PTPRZ1: variants seen among roughly 807,000 people sequenced by gnomAD.
PTPRZ1 encodes receptor-type tyrosine-protein phosphatase zeta.
In PTPRZ1, 82 loss-of-function variants were observed where a neutral mutation model predicts 214.1. That is an observed-to-expected ratio of 0.38 (90% CI 0.32 to 0.46). The LOEUF is 0.46. Ranked by LOEUF, PTPRZ1 falls within the 20% of genes least tolerant of loss-of-function variation. PTPRZ1 has a pLI of 1.00. For synonymous variants in PTPRZ1, 945 were observed against 987.9 expected, an observed-to-expected ratio of 0.96 and a Z score of 0.81; for missense variants, 2,603 against 2,748.7, an observed-to-expected ratio of 0.95 and a Z score of 1.19.
chr7:121,881,759 A>C (rs1794246105), intron 1 of PTPRZ1, among the ~76,000 whole-genome samples: 1 of 152,264 alleles, frequency 6.6e-6, no homozygotes, highest in South Asian at 2.1e-4. Flanking sequence ...GCAGTCTTGG[A>C]GTGGGTCCAA....
chr7:122,049,006 C>A (rs1407312360), intron 23 of PTPRZ1, among the ~76,000 whole-genome samples: 4 of 151,964 alleles, frequency 2.6e-5, no homozygotes, highest in Admixed American at 2.6e-4. Flanking sequence ...ATATCATGAG[C>A]AAGTAGAGTT....
chr7:122,049,094 AC>A (rs1792092984), intron 23 of PTPRZ1, among the ~76,000 whole-genome samples: 1 of 152,132 alleles, frequency 6.6e-6, no homozygotes, highest in Admixed American at 6.5e-5. Flanking sequence ...AAACATTATG[AC>A]CCTGTCAATT....
chr7:121,938,557 G>A (rs940771865), intron 2 of PTPRZ1, among the ~76,000 whole-genome samples: 5 of 152,200 alleles, frequency 3.3e-5, no homozygotes, highest in Non-Finnish European at 5.9e-5. Flanking sequence ...TGGGAGAGTG[G>A]AGCACCATCT....
rs1348827352 is a variant in PTPRZ1 at position 122,051,450 on chromosome 7, A to G, written c.6107A>G (p.Gln2036Arg). 1 of 1,613,418 alleles carries G rather than the reference A, an allele frequency of 6.2e-7. No homozygotes were observed. The highest frequency in any genetic ancestry group is 8.5e-7 in the Non-Finnish European group (1 of 1,179,648). ...CAGCTCCTGAGCCAGTCAAATATAC[A>G]GCAGAGTGACTATTCTGCAGCCCTA... ...QFQLLSQSNI[Q>R]QSDYSAALKQ... The change falls in exon 24 of 30, where the codon CAG (glutamine) becomes CGG (arginine). Residue 2036 changes from glutamine to arginine, a missense_variant. Gln to Arg is a conservative substitution (Grantham distance 43). Around this residue, in one of 6 missense-constraint regions of PTPRZ1, gnomAD observed 134 missense variants for 183.3 expected, o/e 0.73. Coordinates refer to ENST00000393386, the MANE Select transcript of PTPRZ1 (RefSeq NM_002851.3).
chr7:122,009,900 T>C (rs1178594328), intron 11 of PTPRZ1, among the ~76,000 whole-genome samples: 1 of 152,188 alleles, frequency 6.6e-6, no homozygotes, highest in Non-Finnish European at 1.5e-5. Flanking sequence ...TTCTGAATGT[T>C]CAACTACTTT....
intron 1 of PTPRZ1, among the ~76,000 whole-genome samples, chr7:121,880,348 A>C (rs1183115685): frequency 6.6e-6 from 1 of 152,194 alleles, no homozygotes; most frequent in Admixed American, 6.5e-5. Flanking sequence ...TTAGTAAGAA[A>C]GAAGGATTTT....
At chr7:121,934,998 G>A (rs1335129875) in intron 2 of PTPRZ1, among the ~76,000 whole-genome samples, 1 of 152,144 alleles carries the variant, frequency 6.6e-6, no homozygotes, top group Non-Finnish European at 1.5e-5. Context: ...ATAAGGATGT[G>A]AGGTAACGTA....
intron 1 of PTPRZ1, among the ~76,000 whole-genome samples, chr7:121,904,452 A>G (rs887207692): frequency 6.6e-6 from 1 of 152,180 alleles, no homozygotes; most frequent in African/African-American, 2.4e-5. Context: ...CCCCAAAGAT[A>G]TTCACCTTGT....
intron 2 of PTPRZ1, among the ~76,000 whole-genome samples, chr7:121,946,514 A>T (rs1796379565): frequency 6.6e-6 from 1 of 152,214 alleles, no homozygotes; most frequent in South Asian, 2.1e-4. Flanking sequence ...AGAAGGTCCC[A>T]TAGAGCTCCA....
chr7:122,034,320 A>G lies in PTPRZ1; in HGVS notation c.5226A>G (p.Ala1742=), dbSNP rs958645524. The G allele has an allele frequency of 1.2e-6, 2 of 1,613,568 alleles. No homozygotes were observed. The highest frequency in any genetic ancestry group is 1.3e-5 in the African/African-American group (1 of 75,028). The change falls in exon 17 of 30, where the codon GCA becomes GCG. Residue 1742 remains alanine (A), a synonymous_variant. Coordinates refer to ENST00000393386, the MANE Select transcript of PTPRZ1 (RefSeq NM_002851.3). The part of the protein sequence containing the change: ...QSCTVDLGIT[A]DSSNHPDNKH... Reference sequence around the variant, plus strand: ...GTACTGTTGACTTAGGTATTACAGCAGACAGCTCCAACCACCCAGACAACA... The same window carrying G: ...GTACTGTTGACTTAGGTATTACAGCGGACAGCTCCAACCACCCAGACAACA...
Position 121,885,520 on chromosome 7 carries a change from A to G in PTPRZ1, c.58+11963A>G, listed in dbSNP as rs1794370877. Among the ~76,000 whole-genome samples, 3 of 152,160 alleles carry G rather than the reference A, an allele frequency of 2.0e-5. No homozygotes were observed. In the South Asian group the frequency reaches 6.2e-4, roughly 32 times the overall value. ...AGCACATCTGGGCACCGTCCATCCC[A>G]CAAGAATGTATCCAATGATGCCTCT... is the stretch of plus-strand genomic sequence containing the variant. On this transcript the variant is annotated intron_variant, in intron 1 of 29. Coordinates refer to ENST00000393386, the MANE Select transcript of PTPRZ1 (RefSeq NM_002851.3).
intron 28 of PTPRZ1, chr7:122,059,274 C>G (rs1203687103): frequency 5.6e-6 from 1 of 178,254 alleles, no homozygotes; most frequent in East Asian, 1.4e-4. Context: ...GATTTCCTGG[C>G]ATAGAAGTGA....
intron 2 of PTPRZ1, among the ~76,000 whole-genome samples, chr7:121,947,668 G>T (rs1175131739): frequency 3.3e-5 from 5 of 152,102 alleles, no homozygotes; most frequent in Non-Finnish European, 2.9e-5. Flanking sequence ...GTCTGCCAGC[G>T]GTTCTAACTA....
chr7:122,053,526 C>T (rs1024929420), intron 25 of PTPRZ1, among the ~76,000 whole-genome samples: 2 of 152,072 alleles, frequency 1.3e-5, no homozygotes, highest in African/African-American at 2.4e-5. Context: ...AAAGGAATGC[C>T]AAGGCAACAT....
chr7:122,014,498 G>A (rs1211673354), intron 12 of PTPRZ1, among the ~76,000 whole-genome samples: 1 of 152,038 alleles, frequency 6.6e-6, no homozygotes, highest in Non-Finnish European at 1.5e-5. Flanking sequence ...GAGTGCAGTG[G>A]TGCAATCTCG....
At chr7:121,899,557 A>C (rs899027172) in intron 1 of PTPRZ1, among the ~76,000 whole-genome samples, 1 of 152,200 alleles carries the variant, frequency 6.6e-6, no homozygotes, top group Non-Finnish European at 1.5e-5. Context: ...AGTTTCTTTC[A>C]GGCTATCTCT....
intron 1 of PTPRZ1, among the ~76,000 whole-genome samples, chr7:121,909,146 A>C (rs1275867911): frequency 2.0e-5 from 3 of 152,350 alleles, no homozygotes; most frequent in Non-Finnish European, 2.9e-5. Context: ...AGTTATTTTT[A>C]GCCTAGAATT....
Position 121,896,159 on chromosome 7 carries a change from A to T in PTPRZ1, c.58+22602A>T, listed in dbSNP as rs1916884. 7.6e-3 allele frequency among the ~76,000 whole-genome samples: 1,163 copies of T among 152,356 alleles called. 11 individuals carry two copies. The highest frequency in any genetic ancestry group is 0.031 in the South Asian group (151 of 4,830). The stretch of plus-strand genomic sequence containing the variant: ...AGCAATGATTCTGTAATTGATATAG[A>T]GTAGATGTTTTAAAATTTTATTGTG... On this transcript the variant is annotated intron_variant, in intron 1 of 29. Transcript: ENST00000393386.
intron 17 of PTPRZ1, among the ~76,000 whole-genome samples, chr7:122,035,782 T>C (rs1799517459): frequency 6.6e-6 from 1 of 152,206 alleles, no homozygotes; most frequent in African/African-American, 2.4e-5. Context: ...CACTTCTTCA[T>C]CCTTGAAAAG....
Sources: gnomAD v4.1 joint callset for allele counts (sites outside exome capture counted in the v4.1 genomes callset) on GRCh38, gnomAD v4.1.1 for gene constraint, gnomAD v4.1.1 regional missense constraint, MANE v1.5 for transcripts, NCBI Gene and HGNC (gene_info 2026-07-23, HGNC 2026-07-21) for gene names.